EPHA6: variants seen among roughly 807,000 people sequenced by gnomAD.
EPHA6 encodes the protein ephrin type-A receptor 6.
EPHA6 carries 50 observed loss-of-function variants against 112.0 expected under a neutral mutation model. The ratio of observed to expected loss-of-function variants is 0.45; its 90% CI spans 0.36 to 0.56. The LOEUF is 0.56. Ranked by LOEUF, EPHA6 falls within the 20% of genes least tolerant of loss-of-function variation. The probability of loss-of-function intolerance (pLI) is 0.00; values close to 1 mark genes in which losing one functional copy is unlikely to be tolerated. For synonymous variants in EPHA6, 529 were observed against 490.7 expected (o/e 1.08, Z -1.03); for missense variants, 1,280 against 1,417.4 (o/e 0.90, Z 1.56).
chr3:97,595,408 C>A (rs1189088498), intron 12 of EPHA6, among the ~76,000 whole-genome samples: 1 of 152,106 alleles, frequency 6.6e-6, no homozygotes, highest in Non-Finnish European at 1.5e-5. Flanking sequence ...CTTTGGGAGG[C>A]CAAGGCAGGT....
At chr3:97,033,219 C>T (rs987844294) in intron 3 of EPHA6, among the ~76,000 whole-genome samples, 1 of 151,792 alleles carries the variant, frequency 6.6e-6, no homozygotes, top group African/African-American at 2.4e-5. Context: ...ACTATGTGTA[C>T]CACTTTATTG....
intron 5 of EPHA6, among the ~76,000 whole-genome samples, chr3:97,312,469 A>C (rs2081606576): frequency 6.6e-6 from 1 of 151,556 alleles, no homozygotes; most frequent in African/African-American, 2.4e-5. Context: ...CCTCAAAGAA[A>C]ATGCACTGGA....
chr3:97,428,183 A>C (rs1211598065), intron 6 of EPHA6, among the ~76,000 whole-genome samples: 3 of 152,172 alleles, frequency 2.0e-5, no homozygotes, highest in African/African-American at 7.2e-5. Flanking sequence ...ATATAAAAAT[A>C]TTTGTAGAAA....
chr3:97,193,602 T>A (rs998487983), intron 3 of EPHA6, among the ~76,000 whole-genome samples: 1 of 152,044 alleles, frequency 6.6e-6, no homozygotes, highest in Non-Finnish European at 1.5e-5. Flanking sequence ...CTTGATTTTT[T>A]TTTTCTGATT....
rs2044031468 is a variant in EPHA6, at chr3:97,010,090, G to T, written c.1114+22097G>T. 7 of 1,280,274 alleles carry T rather than the reference G, an allele frequency of 5.5e-6. No individual in the cohort carries two copies. The East Asian group carries it at 3.1e-4, about 56-fold the overall frequency. The allele number at this position is 1,280,274 out of a possible 1,614,324, so 79.3% of individuals were successfully genotyped here. A position where few individuals can be genotyped will look rare whatever the true frequency, so the allele number is the denominator to read the frequency against. On this transcript the variant is annotated intron_variant, in intron 3 of 17. Coordinates refer to ENST00000389672, the MANE Select transcript of EPHA6 (RefSeq NM_001080448.3). ...TTGAAGAATAAAAGAAAAAGCAAAA[G>T]AGTAGCATTACTAAAATATTAAACG...
intron 3 of EPHA6, among the ~76,000 whole-genome samples, chr3:97,216,843 GTAGA>G (rs1412786817): frequency 6.6e-6 from 1 of 152,148 alleles, no homozygotes; most frequent in African/African-American, 2.4e-5. Context: ...ACTAGATATA[GTAGA>G]TAGGAAAAGG....
intron 11 of EPHA6, among the ~76,000 whole-genome samples, chr3:97,557,502 A>C (rs2093128367): frequency 6.6e-6 from 1 of 151,952 alleles, no homozygotes; most frequent in Admixed American, 6.6e-5. Flanking sequence ...TCTATCTGGA[A>C]ATGTATAAGA....
intron 11 of EPHA6, chr3:97,590,260 T>G (rs1383101941): frequency 6.6e-6 from 1 of 152,156 alleles, no homozygotes; most frequent in Non-Finnish European, 1.5e-5. Context: ...CCACAATAGA[T>G]GAAAGACCTT....
rs182848154 is a variant in EPHA6, at chr3:97,227,222, C to A, written c.1270+803C>A. Among the ~76,000 whole-genome samples, 575 of 135,330 alleles carry A rather than the reference C, an allele frequency of 4.2e-3. 1 individual carries two copies. The highest frequency in any genetic ancestry group is 0.013 in the African/African-American group (470 of 36,996). 88.8% of individuals were successfully genotyped at this position (135,330 alleles called of 152,430 possible). ...TAAATTTAGAAAAAGGTAGAGGAGA[C>A]TTTTTTTTTTTTTTCGAGACAGAGT... On this transcript the variant is annotated intron_variant, in intron 4 of 17. Coordinates refer to ENST00000389672, the MANE Select transcript of EPHA6 (RefSeq NM_001080448.3).
At chr3:97,652,987 A>T (rs1404390087) in intron 14 of EPHA6, among the ~76,000 whole-genome samples, 1 of 152,006 alleles carries the variant, frequency 6.6e-6, no homozygotes, top group African/African-American at 2.4e-5. Flanking sequence ...GAGTTTAAGT[A>T]TTGTGTCCCC....
At chr3:96,943,133 G>T (rs1308517856) in intron 2 of EPHA6, among the ~76,000 whole-genome samples, 1 of 151,956 alleles carries the variant, frequency 6.6e-6, no homozygotes, top group Non-Finnish European at 1.5e-5. Flanking sequence ...ACGTCCTCCA[G>T]GTTCATCCGT....
chr3:97,153,319 A>G (rs182863462), intron 3 of EPHA6, among the ~76,000 whole-genome samples: 19 of 152,186 alleles, frequency 1.2e-4, no homozygotes, highest in Admixed American at 5.2e-4. Flanking sequence ...GGTCCATCAA[A>G]TTATGATTCG....
At chr3:97,629,040 C>G (rs765249568) in intron 13 of EPHA6, among the ~76,000 whole-genome samples, 3 of 151,960 alleles carry the variant, frequency 2.0e-5, no homozygotes, top group Non-Finnish European at 4.4e-5. Flanking sequence ...TTGAAATTCT[C>G]CCAACTCAGC....
At chr3:97,337,215 T>A (rs1523774) in intron 5 of EPHA6, among the ~76,000 whole-genome samples, 30,263 of 152,058 alleles carry the variant, frequency 0.2, 6,845 homozygotes, top group African/African-American at 0.54. Context: ...CCAGCAGGTG[T>A]TGTACCTGAT....
intron 14 of EPHA6, among the ~76,000 whole-genome samples, chr3:97,680,677 A>G (rs1354253694): frequency 6.6e-6 from 1 of 152,156 alleles, no homozygotes; most frequent in Non-Finnish European, 1.5e-5. Flanking sequence ...TCTAAGACCA[A>G]ACTAATGGCA....
At chr3:96,999,632 G>A (rs1310983313) in intron 3 of EPHA6, among the ~76,000 whole-genome samples, 3 of 151,926 alleles carry the variant, frequency 2.0e-5, no homozygotes, top group African/African-American at 2.4e-5. Context: ...GGAAGAGGAA[G>A]ACCAAATTTT....
intron 3 of EPHA6, among the ~76,000 whole-genome samples, chr3:97,000,569 T>C (rs1471266386): frequency 6.6e-6 from 1 of 151,760 alleles, no homozygotes; most frequent in African/African-American, 2.4e-5. Context: ...AGCTCTGTTA[T>C]CACCTGTGGA....
At chr3:97,032,049 A>T (rs1412988985) in intron 3 of EPHA6, among the ~76,000 whole-genome samples, 1 of 152,180 alleles carries the variant, frequency 6.6e-6, no homozygotes, top group Non-Finnish European at 1.5e-5. Flanking sequence ...AACCAAGCCA[A>T]ATGTCCAACA....
At chr3:97,535,444 G>T (rs939091561) in intron 11 of EPHA6, among the ~76,000 whole-genome samples, 1 of 152,134 alleles carries the variant, frequency 6.6e-6, no homozygotes, top group Non-Finnish European at 1.5e-5. Flanking sequence ...GTATAGGGTG[G>T]TGTGGAGCTA....
Sources: gnomAD v4.1 joint callset for allele counts (sites outside exome capture counted in the v4.1 genomes callset) on GRCh38, gnomAD v4.1.1 for gene constraint, MANE v1.5 for transcripts, NCBI Gene and HGNC (gene_info 2026-07-23, HGNC 2026-07-21) for gene names.